Variants in CNTN3 observed in about 807,000 individuals in gnomAD.
CNTN3 encodes contactin 3.
In CNTN3, 60 loss-of-function variants were observed where a neutral mutation model predicts 119.1. The observed-to-expected ratio is 0.50, with a 90% CI of 0.41 to 0.62. The LOEUF (loss-of-function observed/expected upper bound fraction) is 0.62. Among genes scored for constraint, CNTN3 ranks in the 20% least tolerant of loss-of-function variants. The pLI is 0.00. For missense variants in CNTN3, 1,101 were observed against 1,242.4 expected (o/e 0.89, Z 1.71); for synonymous variants, 450 against 438.7 (o/e 1.03, Z -0.32).
intron 2 of CNTN3, among the ~76,000 whole-genome samples, chr3:74,515,665 C>A (rs7430822): frequency 0.17 from 25,502 of 151,970 alleles, 2,272 homozygotes; most frequent in Non-Finnish European, 0.18. Context: ...CAAATATCTA[C>A]ACTGTGAATG....
intron 5 of CNTN3, among the ~76,000 whole-genome samples, chr3:74,404,439 C>A (rs1705273698): frequency 6.6e-6 from 1 of 152,056 alleles, no homozygotes; most frequent in African/African-American, 2.4e-5. Flanking sequence ...TTTGAACATA[C>A]CAAATCACTT....
intron 18 of CNTN3, among the ~76,000 whole-genome samples, chr3:74,295,977 G>A (rs1236280580): frequency 6.6e-5 from 10 of 152,050 alleles, no homozygotes; most frequent in Admixed American, 2.6e-4. Context: ...TCTCTCCTGA[G>A]AATTTGAAAC....
intron 1 of CNTN3, among the ~76,000 whole-genome samples, chr3:74,604,621 C>T (rs1704962985): frequency 6.6e-6 from 1 of 152,094 alleles, no homozygotes; most frequent in Non-Finnish European, 1.5e-5. Context: ...TATCACCTTA[C>T]ACTCATTAGA....
chr3:74,306,623 A>T (rs567028203), intron 13 of CNTN3, among the ~76,000 whole-genome samples: 3 of 152,160 alleles, frequency 2.0e-5, no homozygotes, highest in Admixed American at 6.6e-5. Flanking sequence ...TCTGTTTTCC[A>T]GAAAGCACAT....
chr3:74,490,639 G>T (rs1296508511), intron 3 of CNTN3, among the ~76,000 whole-genome samples: 1 of 152,120 alleles, frequency 6.6e-6, no homozygotes, highest in South Asian at 2.1e-4. Flanking sequence ...TCATCCTTAT[G>T]TTTTGACTGA....
rs754395803 is a variant in CNTN3, at chr3:74,486,545, T to C, written c.269A>G (p.Asn90Ser). Residue 90 changes from asparagine to serine, a missense_variant, in exon 4 of 23, where the codon AAC (asparagine) becomes AGC (serine). By Grantham distance (46) the Asn-to-Ser change is conservative. Coordinates refer to ENST00000263665, the MANE Select transcript of CNTN3 (RefSeq NM_020872.3). ...NGGNLVVINP[N>S]RNWDTGTYQC... ...GTAAGTTCCTGTATCCCAATTTCTG[T>C]TGGGATTAATAACCACAAGATTTCC... The C allele has an allele frequency of 3.1e-6, 5 of 1,610,486 alleles. No individual in the cohort carries two copies. In the Admixed American group the frequency reaches 6.8e-5, roughly 22 times the overall value.
chr3:74,418,505 C>T (rs1701563928), intron 5 of CNTN3, among the ~76,000 whole-genome samples: 1 of 151,530 alleles, frequency 6.6e-6, no homozygotes, highest in African/African-American at 2.4e-5. Context: ...CCATGCCCAG[C>T]TAATTTTTGT....
At chr3:74,469,676 T>A (rs1702525365) in intron 4 of CNTN3, among the ~76,000 whole-genome samples, 1 of 152,110 alleles carries the variant, frequency 6.6e-6, no homozygotes, top group African/African-American at 2.4e-5. Context: ...CTAGGATGGT[T>A]ATAATAAAAA....
rs1447686332 is a variant in CNTN3, at chr3:74,366,780, G to GTGTATATATATATA, written c.947-1079_947-1078insTATATATATATACA. ...TGTGCGTGTGTGTGTGTGTGTGTGT[G>GTGTATATATATATA]TATATATATATATATATATATATAT... is the stretch of plus-strand genomic sequence containing the variant. On this transcript the variant is annotated intron_variant, in intron 8 of 22. Transcript: ENST00000263665. Among the ~76,000 whole-genome samples the GTGTATATATATATA allele has an allele frequency of 7.4e-3, 468 of 63,646 alleles. 11 individuals carry two copies. The highest frequency in any genetic ancestry group is 0.011 in the African/African-American group (124 of 11,748). The allele number at this position is 63,646 out of a possible 152,430, so 41.8% of individuals were successfully genotyped here. A position where few individuals can be genotyped will look rare whatever the true frequency, so the allele number is the denominator to read the frequency against.
intron 1 of CNTN3, among the ~76,000 whole-genome samples, chr3:74,559,586 A>G (rs1374494729): frequency 7.0e-6 from 1 of 142,190 alleles, no homozygotes; most frequent in African/African-American, 2.6e-5. Context: ...AAAATGAGAC[A>G]CACACAACCA....
intron 10 of CNTN3, among the ~76,000 whole-genome samples, chr3:74,364,138 A>G (rs564728994): frequency 6.6e-6 from 1 of 152,256 alleles, no homozygotes; most frequent in East Asian, 1.9e-4. Flanking sequence ...ATTACGGACC[A>G]GCAACGGGGA....
At chr3:74,584,737 T>C (rs1704566742) in intron 1 of CNTN3, among the ~76,000 whole-genome samples, 1 of 152,214 alleles carries the variant, frequency 6.6e-6, no homozygotes, top group Non-Finnish European at 1.5e-5. Context: ...ATATGTATTA[T>C]TGCATATGAT....
At chr3:74,295,037 GA>G in intron 19 of CNTN3, 83 bp downstream of exon 19, 1 of 856,792 alleles carries the variant, frequency 1.2e-6, no homozygotes, top group Non-Finnish European at 1.8e-6. Context: ...CTTCAAATAA[GA>G]GGTCATTGTT....
intron 1 of CNTN3, among the ~76,000 whole-genome samples, chr3:74,574,949 G>C (rs910974694): frequency 1.3e-5 from 2 of 151,008 alleles, no homozygotes; most frequent in Non-Finnish European, 2.9e-5. Flanking sequence ...CTGGAGACAG[G>C]GTCTTGCTCT....
At chr3:74,599,071 T>C (rs949762518) in intron 1 of CNTN3, among the ~76,000 whole-genome samples, 1 of 152,084 alleles carries the variant, frequency 6.6e-6, no homozygotes, top group Admixed American at 6.6e-5. Flanking sequence ...ACTTAACACA[T>C]AATTAATCCA....
intron 4 of CNTN3, among the ~76,000 whole-genome samples, chr3:74,467,855 G>A (rs561484499): frequency 2.6e-5 from 4 of 152,212 alleles, no homozygotes; most frequent in Non-Finnish European, 5.9e-5. Context: ...CTCCTACAGT[G>A]GCCAAAGAGG....
At chr3:74,580,613 A>G (rs1160220541) in intron 1 of CNTN3, among the ~76,000 whole-genome samples, 2 of 152,240 alleles carry the variant, frequency 1.3e-5, no homozygotes, top group African/African-American at 4.8e-5. Context: ...AAAATGCCAC[A>G]TTAACAAAAC....
intron 6 of CNTN3, 72 bp downstream of exon 6, chr3:74,371,124 T>C (rs1334982626): frequency 4.0e-5 from 43 of 1,079,692 alleles, no homozygotes; most frequent in Non-Finnish European, 5.2e-5. Flanking sequence ...CTTTTTACAT[T>C]TTCCCAATTG....
chr3:74,400,186 G>GA (rs1049435409), intron 5 of CNTN3, among the ~76,000 whole-genome samples: 9 of 151,836 alleles, frequency 5.9e-5, no homozygotes, highest in African/African-American at 2.2e-4. Flanking sequence ...TTTACACAAA[G>GA]AAAAAAAATC....
Sources: allele counts gnomAD v4.1 joint callset (sites outside exome capture counted in the v4.1 genomes callset), GRCh38; gene constraint gnomAD v4.1.1; transcripts MANE v1.5; gene names NCBI Gene and HGNC (gene_info 2026-07-23, HGNC 2026-07-21).